Variants in P3H2 observed in about 807,000 individuals in gnomAD.
P3H2 encodes prolyl 3-hydroxylase 2.
Under a neutral mutation model 87.0 loss-of-function variants are expected in P3H2, and 80 were observed. The observed-to-expected ratio is 0.92, with a 90% CI of 0.77 to 1.11. The LOEUF is 1.11. Ranked by LOEUF, P3H2 falls within the 50% of genes least tolerant of loss-of-function variation. The probability of loss-of-function intolerance (pLI) is 0.00; values close to 1 mark genes in which losing one functional copy is unlikely to be tolerated. For missense variants in P3H2, 1,001 were observed against 923.9 expected, an observed-to-expected ratio of 1.08 and a Z score of -1.08; for synonymous variants, 367 against 359.3, an observed-to-expected ratio of 1.02 and a Z score of -0.24.
intron 1 of P3H2, among the ~76,000 whole-genome samples, chr3:190,106,150 A>T (rs1711828208): frequency 6.6e-6 from 1 of 152,224 alleles, no homozygotes. Flanking sequence ...GTTTGAACAG[A>T]GTCCATTTAA....
intron 8 of P3H2, 53 bp from the exon 9 acceptor site, chr3:189,974,738 A>G (rs1403034894): frequency 6.2e-7 from 1 of 1,609,870 alleles, no homozygotes; most frequent in Non-Finnish European, 8.5e-7. Context: ...CCCGAAAGGA[A>G]GCACAGAATA....
intron 1 of P3H2, among the ~76,000 whole-genome samples, chr3:190,096,203 C>T (rs1176606608): frequency 6.6e-6 from 1 of 152,130 alleles, no homozygotes; most frequent in Non-Finnish European, 1.5e-5. Context: ...CAATAATGAA[C>T]AATTGGGAAT....
At chr3:190,095,694 G>C (rs1475218619) in intron 1 of P3H2, among the ~76,000 whole-genome samples, 1 of 150,738 alleles carries the variant, frequency 6.6e-6, no homozygotes, top group African/African-American at 2.4e-5. Flanking sequence ...TCCGCCTCCC[G>C]GGTTCACGCC....
rs1553880804 is a variant in P3H2, at chr3:190,069,962, T to TC, written c.480+50289_480+50290insG. Among the ~76,000 whole-genome samples, 959 of 151,596 alleles carry TC rather than the reference T, an allele frequency of 6.3e-3. 13 individuals are homozygous for TC. The highest frequency in any genetic ancestry group is 0.022 in the African/African-American group (902 of 41,274). ...CAAGTGTAGACAAGTTTTTTTTTTT[T>TC]TTCTTCTTCTTCTTTTTAAGTTGTG... On this transcript the variant is annotated intron_variant, in intron 1 of 14. Coordinates refer to ENST00000319332, the MANE Select transcript of P3H2 (RefSeq NM_018192.4).
chr3:190,084,959 A>AAGAAAG (rs1553882056), intron 1 of P3H2, among the ~76,000 whole-genome samples: 1 of 151,868 alleles, frequency 6.6e-6, no homozygotes, highest in Non-Finnish European at 1.5e-5. Context: ...ACAAAAAAAA[A>AAGAAAG]AAAGAAAGAA....
chr3:190,109,845 CTTTTTTTT>C (rs141845406), intron 1 of P3H2, among the ~76,000 whole-genome samples: 1 of 124,580 alleles, frequency 8.0e-6, no homozygotes, highest in African/African-American at 3.0e-5. Context: ...GATGCCCAGT[CTTTTTTTT>C]TTTTTTTTTT....
rs1373549448 is a variant in P3H2 at position 189,973,025 on chromosome 3, C to A, written c.1549-1G>T. On this transcript the variant is annotated splice_acceptor_variant, in intron 10 of 14. Transcript: ENST00000319332. LOFTEE classifies it high-confidence loss of function. ...GTGGGACTCGACCTTCATAACCAGACTGAAAAAAAAAAACAAAACATGAGA... is the reference window on the plus strand; with the variant it reads ...GTGGGACTCGACCTTCATAACCAGAATGAAAAAAAAAAACAAAACATGAGA... The A allele has an allele frequency of 4.5e-6, 7 of 1,542,636 alleles. No individual in the cohort carries two copies. The highest frequency in any genetic ancestry group is 4.0e-5 in the Admixed American group (2 of 49,494).
intron 13 of P3H2, among the ~76,000 whole-genome samples, chr3:189,965,321 C>T (rs1722942179): frequency 6.6e-6 from 1 of 152,012 alleles, no homozygotes; most frequent in Non-Finnish European, 1.5e-5. Context: ...GTGGAGGAGT[C>T]GGAAAGCCAG....
chr3:190,003,856 GC>G (rs1724296370), intron 1 of P3H2, among the ~76,000 whole-genome samples: 1 of 152,184 alleles, frequency 6.6e-6, no homozygotes, highest in Non-Finnish European at 1.5e-5. Flanking sequence ...TTACCGAAAA[GC>G]AGTGTGGGCC....
chr3:190,081,057 T>C (rs1727026651), intron 1 of P3H2, among the ~76,000 whole-genome samples: 1 of 152,350 alleles, frequency 6.6e-6, no homozygotes, highest in South Asian at 2.1e-4. Context: ...TTGGCTCTTC[T>C]CTTTGTTAGT....
At chr3:190,015,118 G>A (rs1471172917) in intron 1 of P3H2, among the ~76,000 whole-genome samples, 1 of 152,124 alleles carries the variant, frequency 6.6e-6, no homozygotes, top group Admixed American at 6.5e-5. Flanking sequence ...GGGCTCAAGT[G>A]ATCTCACCTC....
chr3:190,031,562 G>C (rs1725253663), intron 1 of P3H2, among the ~76,000 whole-genome samples: 1 of 151,996 alleles, frequency 6.6e-6, no homozygotes, highest in African/African-American at 2.4e-5. Flanking sequence ...ACTGGAACCT[G>C]GGAGGTAGAG....
intron 7 of P3H2, chr3:189,983,544 C>A: frequency 6.0e-6 from 1 of 167,976 alleles, no homozygotes; most frequent in East Asian, 1.6e-4. Flanking sequence ...TGTAGTAGTT[C>A]TTGACTATTG....
intron 13 of P3H2, chr3:189,969,801 C>T (rs1271876038): frequency 1.1e-5 from 18 of 1,607,340 alleles, no homozygotes; most frequent in Middle Eastern, 1.7e-4. Context: ...TCTGGATCAT[C>T]CAGGCCTGTT....
At chr3:190,005,182 G>GA (rs912785780) in intron 1 of P3H2, among the ~76,000 whole-genome samples, 3 of 152,060 alleles carry the variant, frequency 2.0e-5, no homozygotes, top group African/African-American at 7.2e-5. Context: ...TTGAGAATAT[G>GA]AAAAAAAATT....
intron 1 of P3H2, among the ~76,000 whole-genome samples, chr3:190,102,739 C>T (rs1336475381): frequency 1.3e-5 from 2 of 152,148 alleles, no homozygotes; most frequent in Non-Finnish European, 2.9e-5. Flanking sequence ...GAGAATTGAC[C>T]ACTTTGGAAA....
intron 1 of P3H2, among the ~76,000 whole-genome samples, chr3:190,074,653 A>T (rs1416449358): frequency 1.3e-5 from 2 of 152,200 alleles, no homozygotes; most frequent in African/African-American, 4.8e-5. Context: ...GTTCCATCTC[A>T]TTATAACCAG....
At chr3:189,973,090 C>T in intron 10 of P3H2, 66 bp from the exon 11 acceptor site, 2 of 1,456,038 alleles carry the variant, frequency 1.4e-6, no homozygotes, top group African/African-American at 1.4e-5. Flanking sequence ...AAAACAGGCA[C>T]TAGCTTGCAT....
At chr3:190,052,255 C>T (rs1215014210) in intron 1 of P3H2, among the ~76,000 whole-genome samples, 2 of 151,986 alleles carry the variant, frequency 1.3e-5, no homozygotes, top group Admixed American at 6.6e-5. Flanking sequence ...CCTCACCCCC[C>T]GACAAGCCCC....
Sources: gnomAD v4.1 joint callset for allele counts (sites outside exome capture counted in the v4.1 genomes callset) on GRCh38, gnomAD v4.1.1 for gene constraint, MANE v1.5 for transcripts, NCBI Gene and HGNC (gene_info 2026-07-23, HGNC 2026-07-21) for gene names.